LRP1B: variants seen among roughly 807,000 people sequenced by gnomAD.
The protein encoded by LRP1B is LDL receptor related protein 1B, also known as low-density lipoprotein receptor-related protein 1B.
A neutral mutation model predicts 556.6 loss-of-function variants in LRP1B; 217 were observed. The observed-to-expected ratio is 0.39, with a 90% CI of 0.35 to 0.44. The LOEUF is 0.44. Ranked by LOEUF, LRP1B falls within the 20% of genes least tolerant of loss-of-function variation. LRP1B has a pLI of 1.00. For synonymous variants in LRP1B, 2,047 were observed against 1,865.8 expected (o/e 1.10, Z -2.50); for missense variants, 5,053 against 5,620.8 (o/e 0.90, Z 3.23).
chr2:140,766,844 T>TTATA (rs369013160), intron 35 of LRP1B, among the ~76,000 whole-genome samples: 44 of 54,932 alleles, frequency 8.0e-4, no homozygotes, highest in Admixed American at 6.1e-3. Flanking sequence ...TATATATATA[T>TTATA]TATATATATA....
At chr2:141,520,617 G>C (rs10176397) in intron 2 of LRP1B, among the ~76,000 whole-genome samples, 306 of 152,144 alleles carry the variant, frequency 2.0e-3, no homozygotes, top group Non-Finnish European at 3.7e-3. Flanking sequence ...CTGTGACGGC[G>C]ATGGTAAACG....
At chr2:142,115,553 A>ATT (rs796769560) in intron 1 of LRP1B, among the ~76,000 whole-genome samples, 1 of 22,458 alleles carries the variant, frequency 4.5e-5, no homozygotes, top group Non-Finnish European at 1.3e-4. Flanking sequence ...TAATATATAT[A>ATT]TTATATATGT....
chr2:140,984,548 T>C (rs1050295361), intron 17 of LRP1B, among the ~76,000 whole-genome samples: 4 of 152,094 alleles, frequency 2.6e-5, no homozygotes, highest in Admixed American at 2.6e-4. Context: ...TAGCAAAGTT[T>C]TATCAGATTG....
chr2:141,139,568 A>G (rs1368250520), intron 7 of LRP1B, among the ~76,000 whole-genome samples: 1 of 151,976 alleles, frequency 6.6e-6, no homozygotes, highest in Non-Finnish European at 1.5e-5. Flanking sequence ...GAATATATGA[A>G]TGGCAAATAA....
intron 7 of LRP1B, among the ~76,000 whole-genome samples, chr2:141,170,513 A>C (rs1227166755): frequency 6.6e-6 from 1 of 152,118 alleles, no homozygotes. Context: ...AGCCATTAGA[A>C]GCTGTTTTGT....
intron 2 of LRP1B, among the ~76,000 whole-genome samples, chr2:141,616,881 G>T (rs968688951): frequency 6.6e-6 from 1 of 152,058 alleles, no homozygotes; most frequent in Non-Finnish European, 1.5e-5. Flanking sequence ...CTCTTCAATT[G>T]TAACTCTCTA....
At chr2:141,856,866 T>C (rs757461087) in intron 1 of LRP1B, among the ~76,000 whole-genome samples, 19 of 151,908 alleles carry the variant, frequency 1.3e-4, no homozygotes, top group Admixed American at 5.2e-4. Flanking sequence ...TTTAAACTTG[T>C]ATTATTTTTA....
chr2:141,234,589 CTG>C (rs972130407), intron 5 of LRP1B, among the ~76,000 whole-genome samples: 100 of 152,106 alleles, frequency 6.6e-4, no homozygotes, highest in African/African-American at 2.4e-3. Flanking sequence ...GTTGGCCAGG[CTG>C]GTCTTGAACT....
At chr2:141,565,688 T>C (rs1289270144) in intron 2 of LRP1B, among the ~76,000 whole-genome samples, 1 of 152,242 alleles carries the variant, frequency 6.6e-6, no homozygotes, top group African/African-American at 2.4e-5. Flanking sequence ...TACGCGTATA[T>C]GAAATGGCAA....
intron 23 of LRP1B, among the ~76,000 whole-genome samples, chr2:140,887,690 C>T (rs1693679780): frequency 6.6e-6 from 1 of 152,088 alleles, no homozygotes; most frequent in African/African-American, 2.4e-5. Context: ...TAAAAAAATG[C>T]TGTCTATCCA....
At chr2:140,418,402 T>C (rs1685289446) in intron 66 of LRP1B, among the ~76,000 whole-genome samples, 1 of 152,166 alleles carries the variant, frequency 6.6e-6, no homozygotes, top group Non-Finnish European at 1.5e-5. Flanking sequence ...GAATCGACTT[T>C]GTCTTTGCTA....
intron 3 of LRP1B, among the ~76,000 whole-genome samples, chr2:141,441,325 A>C (rs1035177201): frequency 2.6e-5 from 4 of 152,142 alleles, no homozygotes; most frequent in African/African-American, 7.2e-5. Flanking sequence ...TGATCCACCC[A>C]TCTCGGCCTC....
chr2:141,302,431 C>A (rs1686430795), intron 3 of LRP1B, among the ~76,000 whole-genome samples: 1 of 152,034 alleles, frequency 6.6e-6, no homozygotes. Flanking sequence ...TCTTTTGTTC[C>A]TAACTGCTCA....
At chr2:142,060,314 T>C (rs1366134506) in intron 1 of LRP1B, among the ~76,000 whole-genome samples, 1 of 152,050 alleles carries the variant, frequency 6.6e-6, no homozygotes, top group Non-Finnish European at 1.5e-5. Context: ...TGTGAGTTAC[T>C]GGGTGTCAAA....
chr2:141,075,878 C>T (rs1201612596), intron 7 of LRP1B, among the ~76,000 whole-genome samples: 1 of 152,176 alleles, frequency 6.6e-6, no homozygotes, highest in African/African-American at 2.4e-5. Context: ...AACTACAGCA[C>T]AGCTTTCTTT....
chr2:141,177,001 AAGAC>A (rs1283068087), intron 7 of LRP1B, among the ~76,000 whole-genome samples: 1 of 152,144 alleles, frequency 6.6e-6, no homozygotes, highest in African/African-American at 2.4e-5. Flanking sequence ...GGCTATTTGT[AAGAC>A]AGAGACCACA....
At chr2:140,402,470 C>T (rs187631970) in intron 66 of LRP1B, among the ~76,000 whole-genome samples, 123 of 152,322 alleles carry the variant, frequency 8.1e-4, no homozygotes, top group African/African-American at 2.8e-3. Flanking sequence ...TGCATCCCCA[C>T]AGGAGGAGCA....
At chr2:141,474,333 A>G (rs1414442312) in intron 3 of LRP1B, among the ~76,000 whole-genome samples, 1 of 152,202 alleles carries the variant, frequency 6.6e-6, no homozygotes, top group African/African-American at 2.4e-5. Context: ...CCCATGGTGA[A>G]TCATTACAGA....
At chr2:140,252,368 G>A (rs1681474797) in intron 86 of LRP1B, among the ~76,000 whole-genome samples, 2 of 151,868 alleles carry the variant, frequency 1.3e-5, no homozygotes, top group African/African-American at 2.4e-5. Context: ...CTAGATCCTA[G>A]TATAGGTACT....
Sources: allele counts gnomAD v4.1 joint callset (sites outside exome capture counted in the v4.1 genomes callset), GRCh38; gene constraint gnomAD v4.1.1; transcripts MANE v1.5; gene names NCBI Gene and HGNC (gene_info 2026-07-23, HGNC 2026-07-21).